Variants in SLC27A1 observed in about 807,000 individuals in gnomAD.
The protein encoded by SLC27A1 is long-chain fatty acid transport protein 1.
In SLC27A1, 61 loss-of-function variants were observed where a neutral mutation model predicts 62.2. The observed-to-expected ratio is 0.98, with a 90% CI of 0.80 to 1.21. The LOEUF is 1.21. Ranked by LOEUF, SLC27A1 falls within the 50% of genes most tolerant of loss-of-function variation. The probability of loss-of-function intolerance (pLI) is 0.00; values close to 1 mark genes in which losing one functional copy is unlikely to be tolerated. For missense variants in SLC27A1, 903 were observed against 932.1 expected (o/e 0.97, Z 0.41); for synonymous variants, 435 against 408.6 (o/e 1.06, Z -0.78).
intron 1 of SLC27A1, among the ~76,000 whole-genome samples, chr19:17,477,612 G>T (rs2075137452): frequency 6.6e-6 from 1 of 150,840 alleles, no homozygotes; most frequent in South Asian, 2.1e-4. Flanking sequence ...GAGTGCAGTG[G>T]TGCAATCTTG....
In SLC27A1 at chr19:17,504,782, C is replaced by G; in HGVS notation, c.*170C>G. ...GAACCTCAGAGGAACCCGTGCCTCT[C>G]TGCTGCCTTGGTGCCCCTGTGTCTG... is the stretch of plus-strand genomic sequence containing the variant. On this transcript the variant is annotated 3_prime_UTR_variant, in exon 12 of 12. Transcript: ENST00000252595. The G allele has an allele frequency of 3.5e-6, 3 of 856,338 alleles. No homozygotes were observed. The highest frequency in any genetic ancestry group is 5.7e-6 in the Non-Finnish European group (3 of 525,068). The allele number at this position is 856,338 out of a possible 1,614,324, so 53.0% of individuals were successfully genotyped here.
intron 1 of SLC27A1, among the ~76,000 whole-genome samples, chr19:17,480,190 G>T (rs997569362): frequency 3.3e-5 from 5 of 150,942 alleles, no homozygotes; most frequent in Non-Finnish European, 5.9e-5. Flanking sequence ...ACCATATCCG[G>T]CTAATTTTTG....
In SLC27A1 at chr19:17,500,595, C is replaced by A. The variant is rs769847289; in HGVS notation, c.1434C>A (p.His478Gln). 1 of 1,613,778 alleles carries A rather than the reference C, an allele frequency of 6.2e-7. No individual in the cohort carries two copies. The highest frequency in any genetic ancestry group is 1.7e-5 in the Admixed American group (1 of 60,008). The change falls in exon 9 of 12, where the codon CAC (histidine) becomes CAA (glutamine). Residue 478 changes from histidine to glutamine, a missense_variant. Coordinates refer to ENST00000252595, the MANE Select transcript of SLC27A1 (RefSeq NM_198580.3). ...SESATSKKIA[H>Q]SVFSKGDSAY... ...GCGCCACCAGCAAGAAGATCGCCCA[C>A]AGCGTCTTCAGCAAGGGCGACAGCG...
At position 17,504,525 on chromosome 19, in the gene SLC27A1, C is replaced by G; in HGVS notation, c.1854C>G (p.Leu618=). The change falls in exon 12 of 12, where the codon CTC becomes CTG. Residue 618 remains leucine (L), a synonymous_variant. Transcript: ENST00000252595. The part of the protein sequence containing the change: ...GFDPRQTSDR[L]FFLDLKQGHY... ...ACCCACGCCAGACCTCAGACCGGCT[C>G]TTCTTCCTGGACCTGAAGCAGGGCC... The G allele has an allele frequency of 6.2e-7, 1 of 1,614,220 alleles. No homozygotes were observed. Among genetic ancestry groups the G allele is most frequent in the South Asian group, 1.1e-5 (1 of 91,088 alleles).
chr19:17,488,454 ACTC>A (rs1022880949), intron 4 of SLC27A1, among the ~76,000 whole-genome samples: 6 of 150,382 alleles, frequency 4.0e-5, no homozygotes, highest in African/African-American at 1.2e-4. Context: ...CCCCGTACTC[ACTC>A]CTCCTCAGCC....
intron 1 of SLC27A1, among the ~76,000 whole-genome samples, chr19:17,479,717 C>T (rs1232979576): frequency 5.3e-5 from 8 of 152,124 alleles, no homozygotes; most frequent in East Asian, 1.9e-4. Flanking sequence ...AATCTAGGCT[C>T]GCTGCAACCT....
intron 1 of SLC27A1, among the ~76,000 whole-genome samples, chr19:17,475,530 G>A (rs1029937098): frequency 3.3e-5 from 5 of 152,100 alleles, no homozygotes. Context: ...GCAAGACTCT[G>A]TCTTGAAAAA....
chr19:17,487,355 C>A lies in SLC27A1; in HGVS notation c.724+20C>A. 6.3e-7 allele frequency: 1 copy of A among 1,594,160 alleles called. No individual in the cohort carries two copies. On this transcript the variant is annotated intron_variant, in intron 3 of 11. Transcript: ENST00000252595. Reference sequence around the variant, plus strand: ...TGGACGGTGAGTCAAGGGTGGGACCCCTGCTCTATCAACTGGTTTCCTACC... The same window carrying A: ...TGGACGGTGAGTCAAGGGTGGGACCACTGCTCTATCAACTGGTTTCCTACC...
intron 11 of SLC27A1, among the ~76,000 whole-genome samples, chr19:17,501,647 C>T (rs2075414676): frequency 6.6e-6 from 1 of 151,678 alleles, no homozygotes; most frequent in Admixed American, 6.6e-5. Flanking sequence ...ACTAAAAATA[C>T]AAAAAATTAG....
upstream of SLC27A1, among the ~76,000 whole-genome samples, chr19:17,469,204 A>AT (rs760626324): frequency 2.3e-4 from 35 of 152,256 alleles, no homozygotes; most frequent in Non-Finnish European, 4.3e-4. Flanking sequence ...GCTTCGGGAC[A>AT]TGGATTAAGA....
intron 4 of SLC27A1, 81 bp downstream of exon 4, chr19:17,487,610 C>T: frequency 7.3e-7 from 1 of 1,363,048 alleles, no homozygotes; most frequent in Non-Finnish European, 1.0e-6. Context: ...CCCCTCAGCT[C>T]CTGTGGGCAT....
intron 6 of SLC27A1, among the ~76,000 whole-genome samples, chr19:17,494,780 C>T (rs981169844): frequency 8.2e-6 from 1 of 121,760 alleles, no homozygotes; most frequent in Non-Finnish European, 1.7e-5. Context: ...GAAGTTCTAC[C>T]GAGGATTTTT....
At chr19:17,474,590 C>T (rs957235192) in intron 1 of SLC27A1, among the ~76,000 whole-genome samples, 3 of 151,800 alleles carry the variant, frequency 2.0e-5, no homozygotes, top group African/African-American at 7.3e-5. Flanking sequence ...GTATGGTCCC[C>T]TCCCTTTGAG....
rs1227320000 is a variant in SLC27A1, at chr19:17,497,287, C to T, written c.1029C>T (p.Tyr343=). The T allele has an allele frequency of 2.5e-6, 4 of 1,606,102 alleles. No individual in the cohort carries two copies. Among genetic ancestry groups the T allele is most frequent in the Non-Finnish European group, 3.4e-6 (4 of 1,177,644 alleles). ...VVQYIGEICR[Y]LLKQPVREAE... ...AGTACATCGGGGAGATCTGCCGCTA[C>T]CTGCTGAAGCAGCCGGTGCGCGAGG... The change falls in exon 7 of 12, where the codon TAC becomes TAT. Residue 343 remains tyrosine (Y), a synonymous_variant. Transcript: ENST00000252595.
chr19:17,489,436 C>T (rs965669825), intron 6 of SLC27A1, among the ~76,000 whole-genome samples: 6 of 152,162 alleles, frequency 3.9e-5, no homozygotes, highest in African/African-American at 1.4e-4. Context: ...TTCCTGAGTA[C>T]CTGCTCTGTG....
In SLC27A1 at chr19:17,470,665, G is replaced by T. The variant is rs769549280; in HGVS notation, c.125G>T (p.Arg42Leu). The T allele has an allele frequency of 6.3e-7, 1 of 1,576,844 alleles. No individual in the cohort carries two copies. Reference sequence around the variant, plus strand: ...GTGTACGTGGGCAGCGGCGGCTGGCGCTTCCTGCGCATCGTCTGCAAGACC... The same window carrying T: ...GTGTACGTGGGCAGCGGCGGCTGGCTCTTCCTGCGCATCGTCTGCAAGACC... The part of the protein sequence containing the change: ...LGVYVGSGGW[R>L]FLRIVCKTAR... The change falls in exon 1 of 12, where the codon CGC (arginine) becomes CTC (leucine). Residue 42 changes from arginine (R) to leucine (L), a missense_variant. Coordinates refer to ENST00000252595, the MANE Select transcript of SLC27A1 (RefSeq NM_198580.3).
rs1231419088 is a variant in SLC27A1, at chr19:17,487,239, C to T, written c.628C>T (p.Pro210Ser). The T allele has an allele frequency of 1.2e-6, 2 of 1,614,066 alleles. No homozygotes were observed. Among genetic ancestry groups the T allele is most frequent in the East Asian group, 4.5e-5 (2 of 44,880 alleles). Residue 210 changes from proline to serine, a missense_variant, in exon 3 of 12, where the codon CCC becomes TCC. Coordinates refer to ENST00000252595, the MANE Select transcript of SLC27A1 (RefSeq NM_198580.3). Reference protein sequence around the residue: ...LIKFCSGDLGPEGILPDTHLL... With the variant: ...LIKFCSGDLGSEGILPDTHLL... ...CAAGTTCTGCTCTGGAGACTTGGGGCCCGAGGGCATCTTGCCGGACACCCA... is the reference window on the plus strand; with the variant it reads ...CAAGTTCTGCTCTGGAGACTTGGGGTCCGAGGGCATCTTGCCGGACACCCA...
chr19:17,501,254 G>C lies in SLC27A1; in HGVS notation c.1637-19G>C, dbSNP rs773426897. On this transcript the variant is annotated intron_variant, in intron 10 of 11. Coordinates refer to ENST00000252595, the MANE Select transcript of SLC27A1 (RefSeq NM_198580.3). ...GAGGATGAGAGGCGGGGTGTCCTCA[G>C]CTGAGCCTCTGCCTCCAGGAGTGGA... 2 of 1,611,350 alleles carry C rather than the reference G, an allele frequency of 1.2e-6. No individual in the cohort carries two copies. Among genetic ancestry groups the C allele is most frequent in the Non-Finnish European group, 1.7e-6 (2 of 1,179,336 alleles).
intron 1 of SLC27A1, among the ~76,000 whole-genome samples, chr19:17,478,486 AG>A (rs1331619419): frequency 6.7e-6 from 1 of 149,106 alleles, no homozygotes; most frequent in Admixed American, 6.7e-5. Flanking sequence ...AAAAAAAAAA[AG>A]GCACAAAAAT....
Sources: allele counts gnomAD v4.1 joint callset (sites outside exome capture counted in the v4.1 genomes callset), GRCh38; gene constraint gnomAD v4.1.1; transcripts MANE v1.5; gene names NCBI Gene and HGNC (gene_info 2026-07-23, HGNC 2026-07-21).